OPCML: variants seen among roughly 807,000 people sequenced by gnomAD.
The protein encoded by OPCML is opioid binding protein/cell adhesion molecule like, also known as opioid-binding protein/cell adhesion molecule.
In OPCML, 13 loss-of-function variants were observed where a neutral mutation model predicts 37.8. That is an observed-to-expected ratio of 0.34 (90% CI 0.22 to 0.55). The LOEUF (loss-of-function observed/expected upper bound fraction) is 0.55. OPCML is among the 20% of genes least tolerant of loss of function. OPCML has a pLI of 0.91. For missense variants in OPCML, 341 were observed against 435.6 expected, an observed-to-expected ratio of 0.78 and a Z score of 1.93; for synonymous variants, 176 against 168.8, an observed-to-expected ratio of 1.04 and a Z score of -0.33.
chr11:132,838,442 C>G (rs1036822035), intron 2 of OPCML, among the ~76,000 whole-genome samples: 1 of 152,104 alleles, frequency 6.6e-6, no homozygotes, highest in Non-Finnish European at 1.5e-5. Flanking sequence ...GACATTTGGC[C>G]TGGATAAATG....
chr11:133,270,766 C>T (rs1941805476), intron 1 of OPCML, among the ~76,000 whole-genome samples: 1 of 152,106 alleles, frequency 6.6e-6, no homozygotes, highest in African/African-American at 2.4e-5. Context: ...TCCTAACATG[C>T]TTGCGACACG....
At chr11:132,946,237 T>C (rs2136686912) in intron 1 of OPCML, among the ~76,000 whole-genome samples, 1 of 152,294 alleles carries the variant, frequency 6.6e-6, no homozygotes, top group East Asian at 1.9e-4. Flanking sequence ...GGAGCTGTCA[T>C]CTCCTATGAT....
At chr11:133,458,726 TAC>T (rs1447072267) in intron 1 of OPCML, among the ~76,000 whole-genome samples, 4 of 140,984 alleles carry the variant, frequency 2.8e-5, no homozygotes, top group Non-Finnish European at 5.9e-5. Context: ...TGTGTATATA[TAC>T]ACATAGATGC....
chr11:132,864,003 T>C (rs1379574836), intron 2 of OPCML, among the ~76,000 whole-genome samples: 2 of 152,176 alleles, frequency 1.3e-5, no homozygotes, highest in Non-Finnish European at 2.9e-5. Context: ...AATGGTGAGA[T>C]CTCAGCTGAC....
intron 1 of OPCML, among the ~76,000 whole-genome samples, chr11:133,249,567 G>A (rs1278814499): frequency 6.6e-6 from 1 of 152,170 alleles, no homozygotes; most frequent in Non-Finnish European, 1.5e-5. Context: ...CTGCTCCGGA[G>A]TGGGCATTTT....
At chr11:132,787,280 C>T (rs1947247054) in intron 2 of OPCML, among the ~76,000 whole-genome samples, 1 of 152,196 alleles carries the variant, frequency 6.6e-6, no homozygotes, top group African/African-American at 2.4e-5. Context: ...TTACTTAATG[C>T]ATGACTGTGA....
At chr11:133,096,606 C>G (rs1254606045) in intron 1 of OPCML, among the ~76,000 whole-genome samples, 2 of 151,850 alleles carry the variant, frequency 1.3e-5, no homozygotes, top group Admixed American at 1.3e-4. Context: ...GGGTCAAAAA[C>G]AAAACTCAAC....
intron 1 of OPCML, chr11:133,026,408 C>G (rs1306181022): frequency 2.0e-6 from 2 of 985,318 alleles, no homozygotes; most frequent in Non-Finnish European, 2.4e-6. Context: ...CCTGCCTCTT[C>G]TTTAGGGAAA....
intron 1 of OPCML, among the ~76,000 whole-genome samples, chr11:133,505,549 C>T (rs560088543): frequency 1.3e-5 from 2 of 152,340 alleles, no homozygotes; most frequent in African/African-American, 2.4e-5. Flanking sequence ...CTCTCCCCCA[C>T]ACCATCTTCC....
intron 1 of OPCML, chr11:133,007,953 C>T (rs547027662): frequency 5.8e-4 from 569 of 985,334 alleles, no homozygotes; most frequent in Non-Finnish European, 6.6e-4. Flanking sequence ...TATTCACAGA[C>T]ATGCAGAGAA....
intron 2 of OPCML, among the ~76,000 whole-genome samples, chr11:132,771,219 A>G (rs1302513021): frequency 6.6e-6 from 1 of 152,206 alleles, no homozygotes; most frequent in Non-Finnish European, 1.5e-5. Context: ...CCACCTCAGA[A>G]GAGAACAACA....
intron 2 of OPCML, among the ~76,000 whole-genome samples, chr11:132,701,621 T>A (rs564309019): frequency 2.0e-5 from 3 of 152,322 alleles, no homozygotes; most frequent in East Asian, 1.9e-4. Flanking sequence ...TGTCTTTTGA[T>A]TGGAGAATTT....
At position 133,510,123 on chromosome 11, in the gene OPCML, G is replaced by C. The variant is rs144443577; in HGVS notation, c.61+22141C>G. ...CCTGTTCTGAGCTGGCCCTGGTAGG[G>C]AGTGCACTTCCTGACACACAAGTTT... On this transcript the variant is annotated intron_variant, in intron 1 of 7. Coordinates refer to ENST00000524381, the MANE Select transcript of OPCML (RefSeq NM_001012393.5). 1.8e-4 allele frequency among the ~76,000 whole-genome samples: 27 copies of C among 152,314 alleles called. No homozygotes were observed. In the East Asian group the frequency reaches 4.8e-3, roughly 27 times the overall value.
chr11:132,436,927 T>C, intron 5 of OPCML, 148 bp from the exon 6 acceptor site: 1 of 1,446,954 alleles, frequency 6.9e-7, no homozygotes, highest in Non-Finnish European at 9.1e-7. Flanking sequence ...AATAATCATT[T>C]ATTTCAGGAA....
At chr11:132,693,239 CTG>C (rs1440292047) in intron 2 of OPCML, among the ~76,000 whole-genome samples, 1 of 152,194 alleles carries the variant, frequency 6.6e-6, no homozygotes. Context: ...GAGTGGAAGA[CTG>C]TGCTCTAAGA....
intron 3 of OPCML, among the ~76,000 whole-genome samples, chr11:132,638,186 T>TATATATATAGAGAG (rs71067383): frequency 7.6e-6 from 1 of 131,082 alleles, no homozygotes; most frequent in East Asian, 2.2e-4. Flanking sequence ...TATATATATA[T>TATATATATAGAGAG]ACAGAGAGAG....
chr11:132,801,928 G>A (rs2136204525), intron 2 of OPCML, among the ~76,000 whole-genome samples: 1 of 152,104 alleles, frequency 6.6e-6, no homozygotes, highest in East Asian at 1.9e-4. Flanking sequence ...TGTTTCTGAG[G>A]CATTTCAAAA....
chr11:132,427,073 A>G (rs1343655985), intron 7 of OPCML, among the ~76,000 whole-genome samples: 2 of 152,240 alleles, frequency 1.3e-5, no homozygotes, highest in Non-Finnish European at 2.9e-5. Context: ...AAAATATGAC[A>G]TCGATCTCCA....
chr11:133,083,514 C>A (rs1948773612), intron 1 of OPCML, among the ~76,000 whole-genome samples: 1 of 152,252 alleles, frequency 6.6e-6, no homozygotes, highest in Non-Finnish European at 1.5e-5. Flanking sequence ...ATGCATCCAG[C>A]GTGCCTGCTC....
Sources: allele counts gnomAD v4.1 joint callset (sites outside exome capture counted in the v4.1 genomes callset), GRCh38; gene constraint gnomAD v4.1.1; transcripts MANE v1.5; gene names NCBI Gene and HGNC (gene_info 2026-07-23, HGNC 2026-07-21).